The following MID2 variants were observed in gnomAD, a reference collection of about 807,000 sequenced individuals.
The protein encoded by MID2 is midline 2.
MID2 carries 13 observed loss-of-function variants against 46.1 expected under a neutral mutation model. The ratio of observed to expected loss-of-function variants is 0.28; its 90% CI spans 0.18 to 0.45. The LOEUF (loss-of-function observed/expected upper bound fraction) is 0.45, where lower values mean the gene tolerates loss of function less well. MID2 is among the 20% of genes least tolerant of loss of function. The pLI is 1.00. For synonymous variants in MID2, 199 were observed against 212.3 expected, an observed-to-expected ratio of 0.94 and a Z score of 0.55; for missense variants, 431 against 575.4, an observed-to-expected ratio of 0.75 and a Z score of 2.57.
chrX:107,913,355 G>A (rs1469001151), intron 5 of MID2, among the ~76,000 whole-genome samples: 1 of 111,742 alleles, frequency 8.9e-6, no homozygotes, highest in African/African-American at 3.3e-5. Context: ...GCTACATATG[G>A]TGTGTTGAGT....
At chrX:107,842,957 T>G (rs1396404105) in intron 2 of MID2, among the ~76,000 whole-genome samples, 2 of 112,075 alleles carry the variant, frequency 1.8e-5, no homozygotes. Flanking sequence ...TAACTATCCT[T>G]TGTACTGTAG....
At chrX:107,920,564 A>G (rs1003208591) in intron 7 of MID2, among the ~76,000 whole-genome samples, 5 of 111,937 alleles carry the variant, frequency 4.5e-5, no homozygotes, top group Admixed American at 9.5e-5. Context: ...TTCTCATGCA[A>G]ATACTCTCTA....
In MID2 at chrX:107,905,758, A is replaced by C; in HGVS notation, c.1073+132A>C. On this transcript the variant is annotated intron_variant, in intron 5 of 9. Coordinates refer to ENST00000262843, the MANE Select transcript of MID2 (RefSeq NM_012216.4). Reference sequence around the variant, plus strand: ...ACCAGTTAAGTAGTTATTGAGCCTCAGTGGTAAATTACCCTTTGGATTTCT... The same window carrying C: ...ACCAGTTAAGTAGTTATTGAGCCTCCGTGGTAAATTACCCTTTGGATTTCT... 8 of 525,916 alleles carry C rather than the reference A, an allele frequency of 1.5e-5. No individual in the cohort carries two copies. The South Asian group carries it at 4.1e-4, about 27-fold the overall frequency. 43.3% of individuals were successfully genotyped at this position (525,916 alleles called of 1,213,427 possible).
chrX:107,882,010 A>G (rs916199049), intron 3 of MID2, among the ~76,000 whole-genome samples: 1 of 112,227 alleles, frequency 8.9e-6, no homozygotes, highest in Non-Finnish European at 1.9e-5. Flanking sequence ...AAGCAGATAT[A>G]CAGACCAATG....
chrX:107,909,254 C>G (rs73533446), intron 5 of MID2, among the ~76,000 whole-genome samples: 2,076 of 111,468 alleles, frequency 0.019, 51 homozygotes, highest in African/African-American at 0.063. Flanking sequence ...ACTACTGAGG[C>G]AAAACCCTTC....
chrX:107,916,107 A>G lies in MID2; in HGVS notation c.1179A>G (p.Leu393=). Residue 393 remains leucine (L), a synonymous_variant, in exon 6 of 10, where the codon CTA becomes CTG. Coordinates refer to ENST00000262843, the MANE Select transcript of MID2 (RefSeq NM_012216.4). ...ATTTTTCCAGAGAAAAGAAACTGCT[A>G]GAGGGGTTAGATTATTTAACAGGTG... ...ALDFSREKKL[L]EGLDYLTAPN... is the part of the protein sequence containing the mutation. 2.5e-6 allele frequency: 3 copies of G among 1,199,452 alleles called. No homozygotes were observed. Among genetic ancestry groups the G allele is most frequent in the South Asian group, 3.7e-5 (2 of 54,189 alleles).
intron 3 of MID2, among the ~76,000 whole-genome samples, chrX:107,869,123 A>C (rs1174421673): frequency 9.1e-6 from 1 of 110,432 alleles, no homozygotes; most frequent in Non-Finnish European, 1.9e-5. Flanking sequence ...TAAGTCTTTA[A>C]TGTACCTGGA....
At chrX:107,870,771 T>TTTTTA (rs1932046122) in intron 3 of MID2, among the ~76,000 whole-genome samples, 1 of 107,423 alleles carries the variant, frequency 9.3e-6, no homozygotes, top group African/African-American at 3.4e-5. Context: ...TTTTTTTTTT[T>TTTTTA]GAGAGCCAAT....
rs899113980 is a variant in MID2 at position 107,876,464 on chromosome X, G to A, written c.816+21760G>A. Among the ~76,000 whole-genome samples, 5 of 111,230 alleles carry A rather than the reference G, an allele frequency of 4.5e-5. No individual in the cohort carries two copies. In the Admixed American group the frequency reaches 4.8e-4, roughly 11 times the overall value. ...GCAGTAGGATTCTCATCAAATCCCT[G>A]GTCTGTCACGGGTAGCTTCGTATAA... On this transcript the variant is annotated intron_variant, in intron 3 of 9. Transcript: ENST00000262843.
At chrX:107,916,481 G>A (rs760340603) in intron 6 of MID2, among the ~76,000 whole-genome samples, 1 of 111,980 alleles carries the variant, frequency 8.9e-6, no homozygotes, top group African/African-American at 3.2e-5. Context: ...AATGCCTTAT[G>A]TGGGTGTAAG....
At chrX:107,865,566 C>A (rs187567498) in intron 3 of MID2, among the ~76,000 whole-genome samples, 1 of 111,968 alleles carries the variant, frequency 8.9e-6, no homozygotes, top group Non-Finnish European at 1.9e-5. Flanking sequence ...CCCCGCCCAC[C>A]CCAAAGGGTT....
At chrX:107,834,932 G>A (rs991200737) in intron 1 of MID2, among the ~76,000 whole-genome samples, 15 of 111,287 alleles carry the variant, frequency 1.3e-4, no homozygotes, top group Non-Finnish European at 1.9e-4. Flanking sequence ...GTGGTTTTTG[G>A]TATCTTCACA....
chrX:107,911,392 A>G (rs1932895590), intron 5 of MID2, among the ~76,000 whole-genome samples: 1 of 111,365 alleles, frequency 9.0e-6, no homozygotes, highest in Admixed American at 9.5e-5. Flanking sequence ...TTATTTTACT[A>G]AGATACTTCC....
chrX:107,836,356 C>G (rs968622756), intron 1 of MID2, among the ~76,000 whole-genome samples: 5 of 110,379 alleles, frequency 4.5e-5, no homozygotes, highest in African/African-American at 9.9e-5. Context: ...CGGGTTCAAG[C>G]AATTCCCCTG....
chrX:107,890,198 T>G (rs1009384846), intron 3 of MID2, among the ~76,000 whole-genome samples: 4 of 112,347 alleles, frequency 3.6e-5, no homozygotes, highest in Non-Finnish European at 5.6e-5. Flanking sequence ...GGCGCTCTGA[T>G]TTTTAGAGTT....
intron 5 of MID2, among the ~76,000 whole-genome samples, chrX:107,906,759 T>C (rs1932839139): frequency 9.0e-6 from 1 of 111,570 alleles, no homozygotes; most frequent in Non-Finnish European, 1.9e-5. Context: ...CTAATTTTTG[T>C]ATTTTTAGTA....
intron 2 of MID2, among the ~76,000 whole-genome samples, chrX:107,845,551 T>TCC (rs1482063303): frequency 1.0e-4 from 11 of 108,262 alleles, no homozygotes; most frequent in Admixed American, 9.9e-5. Flanking sequence ...TCTCTCTCTC[T>TCC]CTCTCTCAGC....
intron 1 of MID2, among the ~76,000 whole-genome samples, chrX:107,830,748 G>C (rs1028685672): frequency 9.8e-5 from 11 of 111,935 alleles, no homozygotes; most frequent in African/African-American, 2.6e-4. Context: ...GAGAAGACCA[G>C]ATGAGTGGTG....
At chrX:107,828,992 A>G (rs2147819271) in intron 1 of MID2, among the ~76,000 whole-genome samples, 1 of 111,792 alleles carries the variant, frequency 8.9e-6, no homozygotes, top group African/African-American at 3.3e-5. Flanking sequence ...CAATCCTCCC[A>G]TCTCAGCTTC....
Sources: allele counts gnomAD v4.1 joint callset (sites outside exome capture counted in the v4.1 genomes callset), GRCh38; gene constraint gnomAD v4.1.1; transcripts MANE v1.5; gene names NCBI Gene and HGNC (gene_info 2026-07-23, HGNC 2026-07-21).